The following SMCHD1 variants were observed in gnomAD, a reference collection of about 807,000 sequenced individuals.
The protein encoded by SMCHD1 is structural maintenance of chromosomes flexible hinge domain-containing protein 1.
Under a neutral mutation model 254.7 loss-of-function variants are expected in SMCHD1, and 78 were observed. That is an observed-to-expected ratio of 0.31 (90% CI 0.26 to 0.37). SMCHD1 has a LOEUF of 0.37. Ranked by LOEUF, SMCHD1 falls within the 10% of genes least tolerant of loss-of-function variation. The pLI is 1.00. For synonymous variants in SMCHD1, 766 were observed against 794.9 expected (o/e 0.96, Z 0.61); for missense variants, 1,840 against 2,408.1 (o/e 0.76, Z 4.94).
At chr18:2,752,596 C>A (rs751469734) in intron 34 of SMCHD1, 44 bp downstream of exon 34, 7 of 1,269,820 alleles carry the variant, frequency 5.5e-6, no homozygotes, top group Non-Finnish European at 8.0e-6. Context: ...TATCTTGTTA[C>A]AAAGTAATTC....
At chr18:2,771,765 T>G in intron 40 of SMCHD1, 147 bp downstream of exon 40, 1 of 599,844 alleles carries the variant, frequency 1.7e-6, no homozygotes, top group Non-Finnish European at 2.7e-6. Context: ...TAAAAATGAC[T>G]AACAAAATGA....
intron 1 of SMCHD1, among the ~76,000 whole-genome samples, chr18:2,658,927 C>CAT (rs1209248603): frequency 1.4e-5 from 2 of 146,578 alleles, no homozygotes; most frequent in Non-Finnish European, 3.0e-5. Flanking sequence ...CATATATACA[C>CAT]ATATATACAC....
chr18:2,673,430 G>A, intron 4 of SMCHD1, 67 bp downstream of exon 4: 1 of 1,028,142 alleles, frequency 9.7e-7, no homozygotes, highest in Non-Finnish European at 1.4e-6. Context: ...GTTTATTGGA[G>A]AAAATGAGAA....
chr18:2,797,767 A>G (rs7234326), intron 47 of SMCHD1, among the ~76,000 whole-genome samples: 2,130 of 152,292 alleles, frequency 0.014, 54 homozygotes, highest in African/African-American at 0.049. Flanking sequence ...TCTACTAAAA[A>G]TAAGCCAGTC....
chr18:2,716,454 G>A (rs950415730), intron 17 of SMCHD1, among the ~76,000 whole-genome samples: 3 of 152,222 alleles, frequency 2.0e-5, no homozygotes, highest in African/African-American at 4.8e-5. Flanking sequence ...TTAACCAGAA[G>A]TACTCTGATG....
intron 3 of SMCHD1, among the ~76,000 whole-genome samples, chr18:2,667,400 G>T (rs573422576): frequency 2.0e-5 from 3 of 152,130 alleles, no homozygotes; most frequent in Non-Finnish European, 4.4e-5. Flanking sequence ...GCTAGGTTGC[G>T]TAAGTAAGAA....
At position 2,656,121 on chromosome 18, in the gene SMCHD1, A is replaced by C. The variant is rs1359696447; in HGVS notation, c.46A>C (p.Thr16Pro). ...GGGPGGASVG[T>P]EEDGGGVGHR... ...CGGGCCTGGTGGGGCCTCTGTGGGG[A>C]CTGAGGAGGATGGCGGAGGCGTCGG... Residue 16 changes from threonine to proline, a missense_variant, in exon 1 of 48, where the codon ACT becomes CCT. Physicochemically the swap from Thr to Pro is conservative, Grantham distance 38. Transcript: ENST00000320876. 2 of 1,474,780 alleles carry C rather than the reference A, an allele frequency of 1.4e-6. No homozygotes were observed. The highest frequency in any genetic ancestry group is 2.7e-5 in the East Asian group (1 of 36,396). The allele number at this position is 1,474,780 out of a possible 1,614,324, so 91.4% of individuals were successfully genotyped here.
chr18:2,669,353 A>C (rs954380522), intron 3 of SMCHD1, among the ~76,000 whole-genome samples: 1 of 152,114 alleles, frequency 6.6e-6, no homozygotes, highest in Non-Finnish European at 1.5e-5. Flanking sequence ...CTCTCTAAAA[A>C]ATAAAAATAA....
chr18:2,673,239 TG>T, intron 3 of SMCHD1, 41 bp from the exon 4 acceptor site: 2 of 1,540,980 alleles, frequency 1.3e-6, no homozygotes, highest in Non-Finnish European at 1.8e-6. Flanking sequence ...ATAAAGTATG[TG>T]GGAGGGAAAA....
At chr18:2,773,085 C>T (rs2076010692) in intron 41 of SMCHD1, among the ~76,000 whole-genome samples, 2 of 152,078 alleles carry the variant, frequency 1.3e-5, no homozygotes, top group Admixed American at 6.5e-5. Flanking sequence ...TTTATATGCC[C>T]TATAACTTCA....
intron 41 of SMCHD1, among the ~76,000 whole-genome samples, chr18:2,773,185 G>A (rs560046510): frequency 1.2e-4 from 18 of 152,124 alleles, no homozygotes; most frequent in African/African-American, 3.9e-4. Flanking sequence ...CCTCAGATCC[G>A]CAAACTGAAA....
At chr18:2,659,443 A>T (rs2073178324) in intron 1 of SMCHD1, among the ~76,000 whole-genome samples, 2 of 152,136 alleles carry the variant, frequency 1.3e-5, no homozygotes, top group Admixed American at 6.5e-5. Flanking sequence ...AATAAAGTTC[A>T]CCTCATGGAA....
At position 2,762,131 on chromosome 18, in the gene SMCHD1, A is replaced by C; in HGVS notation, c.4461A>C (p.Gln1487His). The C allele has an allele frequency of 6.2e-7, 1 of 1,613,664 alleles. No individual in the cohort carries two copies. The highest frequency in any genetic ancestry group is 1.7e-5 in the Admixed American group (1 of 60,022). ...EQVIVEVLPNQPVKLVPKIKP... is the reference protein window; with the variant it reads ...EQVIVEVLPNHPVKLVPKIKP... Reference sequence around the variant, plus strand: ...TTATAGTTGAAGTCCTGCCTAATCAACCTGTGAAGTTAGTACCTAAAATTA... The same window carrying C: ...TTATAGTTGAAGTCCTGCCTAATCACCCTGTGAAGTTAGTACCTAAAATTA... Residue 1487 changes from glutamine (Q) to histidine (H), a missense_variant, in exon 36 of 48, where the codon CAA (glutamine) becomes CAC (histidine). Physicochemically the swap from Gln to His is conservative, Grantham distance 24. Transcript: ENST00000320876.
intron 30 of SMCHD1, among the ~76,000 whole-genome samples, chr18:2,749,126 A>C (rs758888372): frequency 9.9e-5 from 15 of 152,224 alleles, no homozygotes; most frequent in Middle Eastern, 3.2e-3. Context: ...TTTGATACCC[A>C]GATGGGAGAC....
At chr18:2,768,701 ATATAC>A (rs1384231781) in intron 37 of SMCHD1, among the ~76,000 whole-genome samples, 5 of 104,070 alleles carry the variant, frequency 4.8e-5, no homozygotes, top group Non-Finnish European at 6.9e-5. Flanking sequence ...GTATAGTACT[ATATAC>A]TATACTATAC....
At position 2,771,602 on chromosome 18, in the gene SMCHD1, T is replaced by G; in HGVS notation, c.5036T>G (p.Ile1679Ser). Residue 1679 changes from isoleucine to serine, a missense_variant, in exon 40 of 48, where the codon ATT becomes AGT. Around this residue, in one of 9 missense-constraint regions of SMCHD1, gnomAD observed 881 missense variants for 1,009.5 expected, o/e 0.87. Coordinates refer to ENST00000320876, the MANE Select transcript of SMCHD1 (RefSeq NM_015295.3). ...RNELKIHNID[I>S]PTTQQVPHIE... Reference sequence around the variant, plus strand: ...GAACTAAAAATACATAATATTGACATTCCTACAACACAACAGGTACAGCTT... The same window carrying G: ...GAACTAAAAATACATAATATTGACAGTCCTACAACACAACAGGTACAGCTT... 6.4e-7 allele frequency: 1 copy of G among 1,566,392 alleles called. No individual in the cohort carries two copies. The highest frequency in any genetic ancestry group is 8.6e-7 in the Non-Finnish European group (1 of 1,166,880).
Position 2,656,062 on chromosome 18 carries a change from T to G in SMCHD1, c.-14T>G. On this transcript the variant is annotated 5_prime_UTR_variant, in exon 1 of 48. Coordinates refer to ENST00000320876, the MANE Select transcript of SMCHD1 (RefSeq NM_015295.3). ...CGGCGGCAGGCGTCGCTGTCTTTTC[T>G]CCTTTTCCCCAATATGGCAGCGGCG... The G allele has an allele frequency of 1.5e-6, 2 of 1,366,694 alleles. No individual in the cohort carries two copies. The highest frequency in any genetic ancestry group is 2.0e-4 in the Middle Eastern group (1 of 5,002). 84.7% of individuals were successfully genotyped at this position (1,366,694 alleles called of 1,614,324 possible).
At chr18:2,786,633 A>T (rs1362510823) in intron 45 of SMCHD1, among the ~76,000 whole-genome samples, 2 of 152,126 alleles carry the variant, frequency 1.3e-5, no homozygotes, top group Non-Finnish European at 2.9e-5. Flanking sequence ...CAGAGGTTGC[A>T]GTGAGCCGAG....
intron 3 of SMCHD1, among the ~76,000 whole-genome samples, chr18:2,669,449 T>G (rs1034133782): frequency 7.9e-5 from 12 of 152,240 alleles, no homozygotes; most frequent in Non-Finnish European, 1.6e-4. Context: ...TTCTCCTGCC[T>G]TGGTCTCTCA....
Sources: allele counts gnomAD v4.1 joint callset (sites outside exome capture counted in the v4.1 genomes callset), GRCh38; gene constraint gnomAD v4.1.1; regional missense constraint gnomAD v4.1.1; transcripts MANE v1.5; gene names NCBI Gene and HGNC (gene_info 2026-07-23, HGNC 2026-07-21).